Variants in ATXN1 observed in about 807,000 individuals in gnomAD.
ATXN1 encodes ataxin 1.
ATXN1 carries 8 observed loss-of-function variants against 56.4 expected under a neutral mutation model. The ratio of observed to expected loss-of-function variants is 0.14; its 90% confidence interval spans 0.08 to 0.26. The LOEUF (loss-of-function observed/expected upper bound fraction) is 0.26, where lower values mean the gene tolerates loss of function less well. ATXN1 is among the 10% of genes least tolerant of loss of function. The pLI is 1.00. For missense variants in ATXN1, 987 were observed against 1,106.5 expected (o/e 0.89, Z 1.53); for synonymous variants, 514 against 494.6 (o/e 1.04, Z -0.52).
chr6:16,326,432 C>T lies in ATXN1; in HGVS notation c.1879G>A (p.Ala627Thr). 2.5e-6 allele frequency: 4 copies of T among 1,614,046 alleles called. No individual in the cohort carries two copies. The highest frequency in any genetic ancestry group is 3.4e-6 in the Non-Finnish European group (4 of 1,179,960). ...RIEDSHSPGV[A>T]VIQFAVGEHR... The stretch of plus-strand genomic sequence containing the variant: ...TCCCCGACGGCGAACTGTATCACGG[C>T]CACGCCCGGGCTATGGCTGTCTTCA... Residue 627 changes from alanine to threonine, a missense_variant, in exon 7 of 8, where the codon GCC (alanine) becomes ACC (threonine). Around this residue, in one of 3 missense-constraint regions of ATXN1, gnomAD observed 68 missense variants for 118.1 expected, o/e 0.58. Coordinates refer to ENST00000436367, the MANE Select transcript of ATXN1 (RefSeq NM_001128164.2). The surrounding 1 kb of genome is among the most constrained non-coding windows in gnomAD (Gnocchi z 6.6).
intron 6 of ATXN1, among the ~76,000 whole-genome samples, chr6:16,365,526 A>G (rs1157475884): frequency 6.6e-6 from 1 of 152,236 alleles, no homozygotes; most frequent in African/African-American, 2.4e-5. Flanking sequence ...TTCATACTGT[A>G]AGAACATTCA....
At chr6:16,317,223 G>A (rs527813559) in intron 7 of ATXN1, among the ~76,000 whole-genome samples, 2 of 152,194 alleles carry the variant, frequency 1.3e-5, no homozygotes, top group African/African-American at 4.8e-5. Flanking sequence ...GTTACATAAC[G>A]CCAGACAGCT....
At chr6:16,466,044 C>T (rs112550124) in intron 6 of ATXN1, among the ~76,000 whole-genome samples, 7 of 152,180 alleles carry the variant, frequency 4.6e-5, no homozygotes, top group African/African-American at 1.4e-4. Context: ...TGGCCAGGCG[C>T]GGTGGCTCAT....
chr6:16,665,297 C>T (rs1758402092), intron 2 of ATXN1, among the ~76,000 whole-genome samples: 1 of 152,142 alleles, frequency 6.6e-6, no homozygotes, highest in African/African-American at 2.4e-5. Flanking sequence ...TTGGATGGAT[C>T]TTTAGCTATG....
intron 6 of ATXN1, among the ~76,000 whole-genome samples, chr6:16,375,180 A>C (rs945211903): frequency 6.6e-6 from 1 of 152,224 alleles, no homozygotes; most frequent in Non-Finnish European, 1.5e-5. Context: ...AAAGAAGAAC[A>C]CCAAGGAGAA....
intron 4 of ATXN1, among the ~76,000 whole-genome samples, chr6:16,558,434 G>A (rs1307366033): frequency 6.6e-6 from 1 of 151,968 alleles, no homozygotes; most frequent in East Asian, 1.9e-4. Flanking sequence ...GAGTGTAGTA[G>A]CACGACCATA....
chr6:16,434,288 C>A (rs1488709388), intron 6 of ATXN1, among the ~76,000 whole-genome samples: 1 of 152,198 alleles, frequency 6.6e-6, no homozygotes, highest in Non-Finnish European at 1.5e-5. Context: ...AATCAATCAA[C>A]CCCTTTCCTT....
chr6:16,737,183 T>C (rs1363581268), intron 2 of ATXN1: 1 of 152,256 alleles, frequency 6.6e-6, no homozygotes, highest in Non-Finnish European at 1.5e-5. Flanking sequence ...CAGACGTTTC[T>C]GCCAACCGCC....
intron 2 of ATXN1, among the ~76,000 whole-genome samples, chr6:16,748,784 G>A (rs1400017330): frequency 2.0e-5 from 3 of 151,720 alleles, no homozygotes; most frequent in African/African-American, 7.3e-5. Flanking sequence ...AGTTAAATAA[G>A]TCACTGCTTT....
intron 2 of ATXN1, among the ~76,000 whole-genome samples, chr6:16,745,964 GTGTGTGTGTC>G (rs1371658494): frequency 5.3e-5 from 8 of 150,630 alleles, no homozygotes; most frequent in Non-Finnish European, 1.2e-4. Context: ...GTGTGTGTGT[GTGTGTGTGTC>G]TGTTTTTATT....
chr6:16,343,180 T>TA (rs1163616902), intron 6 of ATXN1, among the ~76,000 whole-genome samples: 2 of 151,924 alleles, frequency 1.3e-5, no homozygotes, highest in African/African-American at 4.8e-5. Context: ...CTGTCTCTAC[T>TA]AAAAAATAGA....
chr6:16,604,211 G>T (rs72825545), intron 3 of ATXN1, among the ~76,000 whole-genome samples: 1 of 151,738 alleles, frequency 6.6e-6, no homozygotes, highest in Non-Finnish European at 1.5e-5. Context: ...AGAGGAACAG[G>T]CCAGGCACAT....
rs564453869 is a variant in ATXN1, at chr6:16,735,424, A to T, written c.-615+17809T>A. On this transcript the variant is annotated intron_variant, in intron 2 of 7. Transcript: ENST00000436367. ...GATTTATTGAATAAAACTATCAGCA[A>T]TCAAGTTCCACTTTTTTAAGAGCCA... 2.0e-5 allele frequency among the ~76,000 whole-genome samples: 3 copies of T among 152,336 alleles called. No homozygotes were observed. In the East Asian group the frequency reaches 5.8e-4, roughly 29 times the overall value.
intron 3 of ATXN1, among the ~76,000 whole-genome samples, chr6:16,643,089 G>A (rs1763735968): frequency 6.6e-6 from 1 of 151,878 alleles, no homozygotes. Flanking sequence ...CACCAATATG[G>A]TGAAACCCCA....
At position 16,710,691 on chromosome 6, in the gene ATXN1, G is replaced by A. The variant is rs1475890895; in HGVS notation, c.-615+42542C>T. Among the ~76,000 whole-genome samples the A allele has an allele frequency of 2.6e-5, 4 of 152,188 alleles. No homozygotes were observed. In the East Asian group the frequency reaches 5.8e-4, roughly 22 times the overall value. ...TAGCCTCAACCTCCTGGGCTCAAGC[G>A]ATCCTCCCACCTCAGCCTCACCAGT... On this transcript the variant is annotated intron_variant, in intron 2 of 7. Transcript: ENST00000436367.
intron 3 of ATXN1, among the ~76,000 whole-genome samples, chr6:16,634,193 T>G (rs942056751): frequency 6.6e-6 from 1 of 152,230 alleles, no homozygotes; most frequent in Non-Finnish European, 1.5e-5. Context: ...TTAATCCATC[T>G]AAACTAACCC....
chr6:16,465,195 G>T (rs1377997041), intron 6 of ATXN1, among the ~76,000 whole-genome samples: 1 of 152,222 alleles, frequency 6.6e-6, no homozygotes, highest in African/African-American at 2.4e-5. Flanking sequence ...GGGTGTGGTA[G>T]CTGATGCCTG....
chr6:16,371,377 A>T (rs1025481138), intron 6 of ATXN1, among the ~76,000 whole-genome samples: 34 of 151,016 alleles, frequency 2.3e-4, no homozygotes, highest in Non-Finnish European at 5.9e-5. Flanking sequence ...CATGTGAATG[A>T]GTGAGGATTT....
At chr6:16,590,876 C>T (rs1203916246) in intron 3 of ATXN1, among the ~76,000 whole-genome samples, 1 of 151,050 alleles carries the variant, frequency 6.6e-6, no homozygotes, top group African/African-American at 2.4e-5. Context: ...TAGTTTCACT[C>T]CTGTTGCCCA....
Sources: allele counts gnomAD v4.1 joint callset (sites outside exome capture counted in the v4.1 genomes callset), GRCh38; gene constraint gnomAD v4.1.1; regional missense constraint gnomAD v4.1.1; non-coding constraint Gnocchi (gnomAD v3.1); transcripts MANE v1.5; gene names NCBI Gene and HGNC (gene_info 2026-07-23, HGNC 2026-07-21).